Variants in ASRGL1 observed in about 807,000 individuals in gnomAD.
ASRGL1 encodes the protein isoaspartyl peptidase/L-asparaginase.
In ASRGL1, 16 loss-of-function variants were observed where a neutral mutation model predicts 22.4. That is an observed-to-expected ratio of 0.71 (90% CI 0.48 to 1.08). The LOEUF (loss-of-function observed/expected upper bound fraction) is 1.08, where lower values mean the gene tolerates loss of function less well. Among genes scored for constraint, ASRGL1 ranks in the 50% least tolerant of loss-of-function variants. The pLI is 0.00. For synonymous variants in ASRGL1, 165 were observed against 159.3 expected (o/e 1.04, Z -0.27); for missense variants, 412 against 410.1 (o/e 1.00, Z -0.04).
At chr11:62,362,670 A>T (rs868138394) in intron 4 of ASRGL1, among the ~76,000 whole-genome samples, 338 of 33,190 alleles carry the variant, frequency 0.01, 9 homozygotes, top group African/African-American at 0.019. Flanking sequence ...AAAATATATA[A>T]TATATATTAT....
At chr11:62,353,937 C>T (rs1946221205) in intron 2 of ASRGL1, among the ~76,000 whole-genome samples, 1 of 152,116 alleles carries the variant, frequency 6.6e-6, no homozygotes, top group Admixed American at 6.6e-5. Context: ...ATGTCTAAGC[C>T]ACACACCTGG....
chr11:62,360,755 TACTA>T (rs750356305), intron 4 of ASRGL1, among the ~76,000 whole-genome samples: 2 of 152,218 alleles, frequency 1.3e-5, no homozygotes, highest in Non-Finnish European at 2.9e-5. Flanking sequence ...CCTCCTTCTT[TACTA>T]ACGGAAGATT....
At chr11:62,347,487 T>A (rs1488655515) in intron 2 of ASRGL1, among the ~76,000 whole-genome samples, 1 of 152,126 alleles carries the variant, frequency 6.6e-6, no homozygotes, top group Admixed American at 6.6e-5. Flanking sequence ...GTCATCTCAT[T>A]GGCATACAAA....
At chr11:62,337,832 C>G in intron 1 of ASRGL1, 58 bp from the exon 2 acceptor site, 1 of 857,218 alleles carries the variant, frequency 1.2e-6, no homozygotes, top group Non-Finnish European at 1.7e-6. Context: ...GCCGCCCCTA[C>G]CCACCCCCAG....
chr11:62,379,972 C>G (rs1275524787), intron 4 of ASRGL1, among the ~76,000 whole-genome samples: 3 of 152,032 alleles, frequency 2.0e-5, no homozygotes, highest in African/African-American at 7.3e-5. Flanking sequence ...TCGGGTGGCT[C>G]TTTATCTGTT....
chr11:62,371,920 C>T (rs896213940), intron 4 of ASRGL1: 9 of 580,718 alleles, frequency 1.5e-5, no homozygotes, highest in Non-Finnish European at 2.1e-5. Context: ...CGCCACTGCA[C>T]TCTAGCCTGG....
At chr11:62,364,914 T>G (rs190278177) in intron 4 of ASRGL1, among the ~76,000 whole-genome samples, 79 of 150,266 alleles carry the variant, frequency 5.3e-4, no homozygotes, top group African/African-American at 1.8e-3. Flanking sequence ...ACTAAAAATA[T>G]AAAAATTAGC....
At chr11:62,361,506 T>TTTTTA (rs1946433316) in intron 4 of ASRGL1, among the ~76,000 whole-genome samples, 1 of 107,856 alleles carries the variant, frequency 9.3e-6, no homozygotes, top group African/African-American at 3.8e-5. Context: ...TTTTTTTTTT[T>TTTTTA]GAGACAGAAT....
At chr11:62,396,026 G>A (rs1036315265), downstream of ASRGL1, among the ~76,000 whole-genome samples, 1 of 151,764 alleles carries the variant, frequency 6.6e-6, no homozygotes, top group African/African-American at 2.4e-5. Context: ...CACCCACCTC[G>A]GCCCCCCAAA....
intron 2 of ASRGL1, among the ~76,000 whole-genome samples, chr11:62,340,098 CAAA>C (rs1350499898): frequency 8.0e-6 from 1 of 124,426 alleles, no homozygotes; most frequent in African/African-American, 3.0e-5. Context: ...CCCATCTCTA[CAAA>C]AAAAAAAAAA....
intron 2 of ASRGL1, among the ~76,000 whole-genome samples, chr11:62,352,088 G>A (rs1946180565): frequency 6.6e-6 from 1 of 152,116 alleles, no homozygotes; most frequent in Non-Finnish European, 1.5e-5. Flanking sequence ...TTTAAGTGTT[G>A]AAGCCCTAAT....
At chr11:62,345,251 A>G (rs1286967928) in intron 2 of ASRGL1, among the ~76,000 whole-genome samples, 1 of 152,082 alleles carries the variant, frequency 6.6e-6, no homozygotes, top group Non-Finnish European at 1.5e-5. Context: ...GCTGTATCAC[A>G]TGGTAGCTGT....
Position 62,388,029 on chromosome 11 carries a change from T to C in ASRGL1, c.492-1104T>C, listed in dbSNP as rs560656310. On this transcript the variant is annotated intron_variant, in intron 4 of 6. Coordinates refer to ENST00000415229, the MANE Select transcript of ASRGL1 (RefSeq NM_001083926.2). ...AGGGGTGCACTCACACAAACCCAGA[T>C]AGGAGAGACTAATACACATCTAGGC... is the stretch of plus-strand genomic sequence containing the variant. Among the ~76,000 whole-genome samples, 5 of 152,290 alleles carry C rather than the reference T, an allele frequency of 3.3e-5. No homozygotes were observed. In the East Asian group the frequency reaches 9.6e-4, roughly 29 times the overall value.
At chr11:62,375,585 C>T (rs1206940442) in intron 4 of ASRGL1, among the ~76,000 whole-genome samples, 4 of 150,546 alleles carry the variant, frequency 2.7e-5, no homozygotes, top group Admixed American at 2.0e-4. Flanking sequence ...AGGAGGATAA[C>T]GATACCCAGT....
At chr11:62,345,460 G>C (rs907836456) in intron 2 of ASRGL1, among the ~76,000 whole-genome samples, 4 of 152,052 alleles carry the variant, frequency 2.6e-5, no homozygotes, top group East Asian at 1.9e-4. Flanking sequence ...GGGGAGACAA[G>C]GTTTCACCAT....
At chr11:62,350,405 C>T (rs1946141511) in intron 2 of ASRGL1, among the ~76,000 whole-genome samples, 1 of 152,160 alleles carries the variant, frequency 6.6e-6, no homozygotes, top group Non-Finnish European at 1.5e-5. Context: ...CATTCATGAA[C>T]ACGTTTTTAT....
intron 4 of ASRGL1, chr11:62,370,999 C>T (rs923828619): frequency 9.3e-6 from 4 of 430,994 alleles, no homozygotes. Context: ...CATCCTGGCG[C>T]ATTTTTAAGT....
In ASRGL1 at chr11:62,381,152, C is replaced by CTCTT. The variant is rs113730094; in HGVS notation, c.492-7978_492-7977insTTCT. 9.7e-3 allele frequency among the ~76,000 whole-genome samples: 1,480 copies of CTCTT among 152,174 alleles called. 33 individuals are homozygous for CTCTT. The highest frequency in any genetic ancestry group is 0.031 in the African/African-American group (1,290 of 41,490). On this transcript the variant is annotated intron_variant, in intron 4 of 6. Coordinates refer to ENST00000415229, the MANE Select transcript of ASRGL1 (RefSeq NM_001083926.2). The stretch of plus-strand genomic sequence containing the variant: ...TGGATTGGCGTTGCCATGACAGAGA[C>CTCTT]TCTCTATTTGATATTCTCTTGGGGT...
At chr11:62,378,077 C>A (rs1946973180) in intron 4 of ASRGL1, among the ~76,000 whole-genome samples, 1 of 152,142 alleles carries the variant, frequency 6.6e-6, no homozygotes, top group African/African-American at 2.4e-5. Context: ...TTTGACGTGA[C>A]ATAAGTAGGA....
Sources: allele counts gnomAD v4.1 joint callset (sites outside exome capture counted in the v4.1 genomes callset), GRCh38; gene constraint gnomAD v4.1.1; transcripts MANE v1.5; gene names NCBI Gene and HGNC (gene_info 2026-07-23, HGNC 2026-07-21).